The following CACNA2D1 variants were observed in gnomAD, a reference collection of about 807,000 sequenced individuals.
CACNA2D1 encodes the protein calcium voltage-gated channel auxiliary subunit alpha2delta 1.
A neutral mutation model predicts 171.5 loss-of-function variants in CACNA2D1; 53 were observed. That is an observed-to-expected ratio of 0.31 (90% CI 0.25 to 0.39). CACNA2D1 has a LOEUF of 0.39. Among genes scored for constraint, CACNA2D1 ranks in the 10% least tolerant of loss-of-function variants. The probability of loss-of-function intolerance (pLI) is 1.00; values close to 1 mark genes in which losing one functional copy is unlikely to be tolerated. For synonymous variants in CACNA2D1, 442 were observed against 443.1 expected (o/e 1.00, Z 0.03); for missense variants, 903 against 1,299.8 (o/e 0.69, Z 4.69).
rs1010972538 is a variant in CACNA2D1 at position 81,961,356 on chromosome 7, G to A, written c.2966+538C>T. On this transcript the variant is annotated intron_variant, in intron 36 of 38. Transcript: ENST00000356860. ...ACATTAACCATGACCTAAAAAAACT[G>A]TATTTTTCCCAGTTCCTTCAAATTC... is the stretch of plus-strand genomic sequence containing the variant. Among the ~76,000 whole-genome samples, 3 of 151,314 alleles carry A rather than the reference G, an allele frequency of 2.0e-5. No homozygotes were observed. In the East Asian group the frequency reaches 5.9e-4, roughly 30 times the overall value.
intron 3 of CACNA2D1, among the ~76,000 whole-genome samples, chr7:82,202,443 G>A (rs930078358): frequency 3.9e-4 from 59 of 152,108 alleles, no homozygotes; most frequent in African/African-American, 1.3e-3. Flanking sequence ...ATTGGTTGTG[G>A]TGGCCGGTGG....
intron 3 of CACNA2D1, among the ~76,000 whole-genome samples, chr7:82,209,675 A>C (rs572046149): frequency 1.3e-5 from 2 of 152,282 alleles, no homozygotes; most frequent in African/African-American, 4.8e-5. Flanking sequence ...GGGAAGTTCT[A>C]TCTCTAATTT....
intron 3 of CACNA2D1, among the ~76,000 whole-genome samples, chr7:82,208,838 C>G (rs1396452413): frequency 6.6e-6 from 1 of 152,092 alleles, no homozygotes; most frequent in Non-Finnish European, 1.5e-5. Flanking sequence ...ATTTTGTGTT[C>G]TCACCATAAA....
Position 82,098,367 on chromosome 7 carries a change from C to A in CACNA2D1, c.527-13467G>T, listed in dbSNP as rs528529743. 8.5e-5 allele frequency among the ~76,000 whole-genome samples: 13 copies of A among 152,248 alleles called. No homozygotes were observed. The East Asian group carries it at 2.5e-3, about 29-fold the overall frequency. On this transcript the variant is annotated intron_variant, in intron 6 of 38. Coordinates refer to ENST00000356860, the MANE Select transcript of CACNA2D1 (RefSeq NM_000722.4). ...TGTATCTATATAAAACTCACTCTAT[C>A]AAGAAGAGATAATATGAAGGATGTT... is the stretch of plus-strand genomic sequence containing the variant.
At chr7:82,008,067 T>C (rs1799322082) in intron 15 of CACNA2D1, among the ~76,000 whole-genome samples, 1 of 152,128 alleles carries the variant, frequency 6.6e-6, no homozygotes, top group African/African-American at 2.4e-5. Context: ...TAACCCTGTG[T>C]CCTCCCCCTT....
chr7:82,117,255 G>T (rs1789170837), intron 5 of CACNA2D1, 82 bp from the exon 6 acceptor site: 5 of 1,342,188 alleles, frequency 3.7e-6, no homozygotes, highest in Non-Finnish European at 5.2e-6. Context: ...CTTGCCAAAT[G>T]CATATTTTTC....
intron 18 of CACNA2D1, among the ~76,000 whole-genome samples, chr7:81,999,629 C>T (rs1798387391): frequency 6.6e-6 from 1 of 151,932 alleles, no homozygotes; most frequent in African/African-American, 2.4e-5. Flanking sequence ...ATAAAACAGA[C>T]CATTTTCAGG....
chr7:82,001,828 G>T, intron 18 of CACNA2D1: 1 of 274,250 alleles, frequency 3.6e-6, no homozygotes, highest in South Asian at 3.9e-5. Context: ...AGGTCTAAAT[G>T]ATAGAATTCA....
chr7:82,228,785 C>G (rs1030183850), intron 3 of CACNA2D1, among the ~76,000 whole-genome samples: 18 of 152,090 alleles, frequency 1.2e-4, no homozygotes, highest in Admixed American at 3.9e-4. Flanking sequence ...ACCCTTTGCT[C>G]TAAACCAGTG....
intron 1 of CACNA2D1, among the ~76,000 whole-genome samples, chr7:82,415,772 TATAAG>T: frequency 6.6e-6 from 1 of 152,188 alleles, no homozygotes. Context: ...TATATTTTCT[TATAAG>T]AGAAAAAAAT....
chr7:82,198,854 A>G (rs1254961647), intron 3 of CACNA2D1, among the ~76,000 whole-genome samples: 2 of 152,066 alleles, frequency 1.3e-5, no homozygotes, highest in African/African-American at 2.4e-5. Context: ...CAGTTTTTGC[A>G]GGTTTGAATT....
At chr7:82,276,709 GATGGATAC>G (rs1809376899) in intron 3 of CACNA2D1, among the ~76,000 whole-genome samples, 1 of 151,256 alleles carries the variant, frequency 6.6e-6, no homozygotes, top group African/African-American at 2.4e-5. Context: ...TGGGTACTTT[GATGGATAC>G]ATTGACATCC....
At chr7:82,346,562 C>T (rs1456839839) in intron 2 of CACNA2D1, among the ~76,000 whole-genome samples, 1 of 152,040 alleles carries the variant, frequency 6.6e-6, no homozygotes, top group Admixed American at 6.6e-5. Flanking sequence ...TGAAAACTTA[C>T]TTTCTGTACC....
At chr7:82,246,808 T>G (rs1047252550) in intron 3 of CACNA2D1, among the ~76,000 whole-genome samples, 2 of 152,216 alleles carry the variant, frequency 1.3e-5, no homozygotes, top group African/African-American at 4.8e-5. Flanking sequence ...GTGAGTGAGA[T>G]GGAATTTAGG....
chr7:81,971,858 G>A lies in CACNA2D1; in HGVS notation c.2060C>T (p.Ala687Val), dbSNP rs761738920. The change falls in exon 26 of 39, where the codon GCG becomes GTG. Residue 687 changes from alanine to valine, a missense_variant. Coordinates refer to ENST00000356860, the MANE Select transcript of CACNA2D1 (RefSeq NM_000722.4). Reference protein sequence around the residue: ...RKTPNNPSCNADLINRVLLDA... With the variant: ...RKTPNNPSCNVDLINRVLLDA... ...AAGCAAGACTCTATTAATCAAATCC[G>A]CGTTACCTAACACAGAAAAAGATCA... The A allele has an allele frequency of 2.9e-5, 47 of 1,596,056 alleles. No individual in the cohort carries two copies. Among genetic ancestry groups the A allele is most frequent in the South Asian group, 2.8e-4 (25 of 90,502 alleles).
intron 3 of CACNA2D1, among the ~76,000 whole-genome samples, chr7:82,255,993 C>G (rs575389729): frequency 6.6e-6 from 1 of 152,148 alleles, no homozygotes; most frequent in South Asian, 2.1e-4. Context: ...GTTTGACTAT[C>G]AGGCCGGGTG....
chr7:82,102,388 A>T (rs1457636664), intron 6 of CACNA2D1, among the ~76,000 whole-genome samples: 1 of 151,378 alleles, frequency 6.6e-6, no homozygotes, highest in Non-Finnish European at 1.5e-5. Context: ...CACAAAGATA[A>T]GTAAATGAAT....
At chr7:82,375,068 G>T (rs954761298) in intron 1 of CACNA2D1, among the ~76,000 whole-genome samples, 2 of 152,092 alleles carry the variant, frequency 1.3e-5, no homozygotes, top group Non-Finnish European at 2.9e-5. Flanking sequence ...ATATCATATT[G>T]GATCTGAATT....
chr7:82,084,114 G>T (rs562869253), intron 7 of CACNA2D1, among the ~76,000 whole-genome samples: 256 of 152,186 alleles, frequency 1.7e-3, no homozygotes, highest in South Asian at 5.0e-3. Context: ...TTTTCAGGAT[G>T]TCCTAGGAAT....
Sources: allele counts gnomAD v4.1 joint callset (sites outside exome capture counted in the v4.1 genomes callset), GRCh38; gene constraint gnomAD v4.1.1; transcripts MANE v1.5; gene names NCBI Gene and HGNC (gene_info 2026-07-23, HGNC 2026-07-21).